Variants in HPSE2 observed in about 807,000 individuals in gnomAD.
The protein encoded by HPSE2 is heparanase 2 (inactive), also known as inactive heparanase-2.
In HPSE2, 38 loss-of-function variants were observed where a neutral mutation model predicts 60.5. The ratio of observed to expected loss-of-function variants is 0.63; its 90% CI spans 0.48 to 0.82. The LOEUF (loss-of-function observed/expected upper bound fraction) is 0.82. Ranked by LOEUF, HPSE2 falls within the 40% of genes least tolerant of loss-of-function variation. The pLI is 0.00. For synonymous variants in HPSE2, 295 were observed against 293.2 expected (o/e 1.01, Z -0.06); for missense variants, 713 against 740.4 (o/e 0.96, Z 0.43).
the HPSE2 span, among the ~76,000 whole-genome samples, chr10:99,242,059 T>G: frequency 6.6e-6 from 1 of 152,176 alleles, no homozygotes; most frequent in Admixed American, 6.5e-5. Flanking sequence ...GTCTTTGATT[T>G]TCTACTAGGA....
chr10:99,251,944 T>C, the HPSE2 span, among the ~76,000 whole-genome samples: 4 of 146,296 alleles, frequency 2.7e-5, no homozygotes, highest in Admixed American at 6.9e-5. Flanking sequence ...TGGGCTGAGG[T>C]AGGAGAACTG....
At chr10:99,098,389 G>A (rs1426305312) in intron 3 of HPSE2, among the ~76,000 whole-genome samples, 1 of 152,080 alleles carries the variant, frequency 6.6e-6, no homozygotes, top group Non-Finnish European at 1.5e-5. Flanking sequence ...TATCAATAAG[G>A]GTCCTGGAAT....
chr10:98,968,498 G>T (rs1955870338), intron 3 of HPSE2, among the ~76,000 whole-genome samples: 1 of 152,136 alleles, frequency 6.6e-6, no homozygotes, highest in Non-Finnish European at 1.5e-5. Context: ...TCCGACTACT[G>T]GGTATTTACG....
intron 6 of HPSE2, among the ~76,000 whole-genome samples, chr10:98,657,998 C>G (rs542597609): frequency 6.6e-6 from 1 of 152,090 alleles, no homozygotes; most frequent in Non-Finnish European, 1.5e-5. Context: ...TGAGAACAGA[C>G]GAAGTTTTGT....
intron 3 of HPSE2, among the ~76,000 whole-genome samples, chr10:98,868,081 A>G (rs200476339): frequency 2.2e-3 from 3 of 1,388 alleles, no homozygotes; most frequent in Non-Finnish European, 3.6e-3. Context: ...AAGAAAGAAA[A>G]TAAATAAATA....
At chr10:99,132,330 G>A (rs771824388) in intron 3 of HPSE2, among the ~76,000 whole-genome samples, 28 of 151,958 alleles carry the variant, frequency 1.8e-4, no homozygotes, top group South Asian at 4.2e-4. Flanking sequence ...ACCTGTTCCC[G>A]AAAAACTATT....
intron 2 of HPSE2, among the ~76,000 whole-genome samples, chr10:99,177,777 G>C (rs1289187826): frequency 6.6e-6 from 1 of 152,116 alleles, no homozygotes; most frequent in East Asian, 1.9e-4. Context: ...CGACCTGATA[G>C]ACATCTACAG....
intron 3 of HPSE2, among the ~76,000 whole-genome samples, chr10:98,898,724 A>C (rs780926633): frequency 7.2e-5 from 11 of 152,178 alleles, no homozygotes; most frequent in Non-Finnish European, 1.2e-4. Flanking sequence ...ATTATAGAAA[A>C]CTATTTAGGA....
chr10:98,520,421 C>A (rs1942750169), intron 9 of HPSE2, among the ~76,000 whole-genome samples: 1 of 152,120 alleles, frequency 6.6e-6, no homozygotes, highest in South Asian at 2.1e-4. Flanking sequence ...CAAACCATTC[C>A]CAAGAAATGG....
intron 3 of HPSE2, among the ~76,000 whole-genome samples, chr10:99,100,119 G>C (rs1444442659): frequency 6.6e-6 from 1 of 152,216 alleles, no homozygotes; most frequent in Non-Finnish European, 1.5e-5. Flanking sequence ...CTCCTTGTCA[G>C]CAATGGAACA....
chr10:98,657,616 C>T (rs192749042), intron 6 of HPSE2, among the ~76,000 whole-genome samples: 7 of 152,290 alleles, frequency 4.6e-5, no homozygotes, highest in Middle Eastern at 3.4e-3. Context: ...GGATTACAGG[C>T]GTGAGCCACC....
chr10:99,265,574 T>C, the HPSE2 span, among the ~76,000 whole-genome samples: 1 of 152,220 alleles, frequency 6.6e-6, no homozygotes, highest in Non-Finnish European at 1.5e-5. Context: ...CTTGCACATG[T>C]ACCCCTGAAC....
chr10:99,206,728 T>A (rs1306638625), intron 2 of HPSE2, among the ~76,000 whole-genome samples: 1 of 151,796 alleles, frequency 6.6e-6, no homozygotes, highest in Non-Finnish European at 1.5e-5. Flanking sequence ...TCTTTTAAAA[T>A]TAAACATAAA....
intron 6 of HPSE2, among the ~76,000 whole-genome samples, chr10:98,648,956 T>C (rs1265417310): frequency 6.6e-6 from 1 of 152,092 alleles, no homozygotes; most frequent in Non-Finnish European, 1.5e-5. Flanking sequence ...CCTTACCACC[T>C]AGAACATCCT....
At chr10:99,305,979 G>GCGCACACACA in the HPSE2 span, among the ~76,000 whole-genome samples, 1,128 of 80,480 alleles carry the variant, frequency 0.014, 18 homozygotes, top group Non-Finnish European at 0.019. Context: ...GCGCGCGCGC[G>GCGCACACACA]CACACACACA....
intron 9 of HPSE2, among the ~76,000 whole-genome samples, chr10:98,515,118 G>C (rs565549092): frequency 5.5e-4 from 83 of 152,256 alleles, no homozygotes; most frequent in African/African-American, 1.9e-3. Flanking sequence ...TCTGAAAGCT[G>C]GGTGGTGTGG....
At chr10:98,662,829 T>C (rs1165442038) in intron 6 of HPSE2, among the ~76,000 whole-genome samples, 2 of 152,202 alleles carry the variant, frequency 1.3e-5, no homozygotes, top group Non-Finnish European at 2.9e-5. Context: ...CAGCATCTAA[T>C]ACATGCTTGA....
At chr10:98,662,033 T>A (rs992801508) in intron 6 of HPSE2, among the ~76,000 whole-genome samples, 1 of 152,214 alleles carries the variant, frequency 6.6e-6, no homozygotes, top group Non-Finnish European at 1.5e-5. Context: ...TAGCTGGGAC[T>A]ACAGGCGCGT....
chr10:98,625,435 C>G (rs1366901869), intron 7 of HPSE2, among the ~76,000 whole-genome samples: 1 of 152,074 alleles, frequency 6.6e-6, no homozygotes, highest in African/African-American at 2.4e-5. Flanking sequence ...CCAATAACCT[C>G]AGAAGTGTTA....
Sources: gnomAD v4.1 joint callset for allele counts (sites outside exome capture counted in the v4.1 genomes callset) on GRCh38, gnomAD v4.1.1 for gene constraint, MANE v1.5 for transcripts, NCBI Gene and HGNC (gene_info 2026-07-23, HGNC 2026-07-21) for gene names.